The following RAP1B variants were observed in gnomAD, a reference collection of about 807,000 sequenced individuals.
The protein encoded by RAP1B is ras-related protein Rap-1b.
In RAP1B, 1 loss-of-function variant was observed where a neutral mutation model predicts 27.5. That is an observed-to-expected ratio of 0.04 (90% CI 0.01 to 0.17). RAP1B has a LOEUF of 0.17. Ranked by LOEUF, RAP1B falls within the 10% of genes least tolerant of loss-of-function variation. The pLI, the probability that RAP1B is intolerant of heterozygous loss-of-function variation, is 1.00. For synonymous variants in RAP1B, 75 were observed against 73.1 expected (o/e 1.03, Z -0.13); for missense variants, 84 against 214.8 (o/e 0.39, Z 3.81).
chr12:68,644,058 T>C (rs1208243872), intron 1 of RAP1B, among the ~76,000 whole-genome samples: 4 of 152,178 alleles, frequency 2.6e-5, no homozygotes, highest in Non-Finnish European at 1.5e-5. Flanking sequence ...TCTGCATAAC[T>C]TGAGGTACAA....
chr12:68,650,488 G>T lies in RAP1B; in HGVS notation c.126+20G>T. On this transcript the variant is annotated intron_variant, in intron 3 of 7. Coordinates refer to ENST00000250559, the MANE Select transcript of RAP1B (RefSeq NM_001010942.3). Reference sequence around the variant, plus strand: ...AGAAAGGTATATATTACTTTGGAAGGCCTTTTGCTTTTGATTTTAATATAA... The same window carrying T: ...AGAAAGGTATATATTACTTTGGAAGTCCTTTTGCTTTTGATTTTAATATAA... The T allele has an allele frequency of 1.4e-6, 2 of 1,459,462 alleles. No homozygotes were observed. The highest frequency in any genetic ancestry group is 1.8e-6 in the Non-Finnish European group (2 of 1,095,944). The allele number at this position is 1,459,462 out of a possible 1,614,324, so 90.4% of individuals were successfully genotyped here.
chr12:68,629,370 G>A (rs753125170), intron 1 of RAP1B, among the ~76,000 whole-genome samples: 18 of 152,152 alleles, frequency 1.2e-4, no homozygotes, highest in Non-Finnish European at 2.1e-4. Flanking sequence ...AGCTTTAAAA[G>A]CACCATACAG....
chr12:68,651,243 T>TAAACAATAAATAATAAAACA (rs1873794053), intron 3 of RAP1B, among the ~76,000 whole-genome samples: 1 of 152,220 alleles, frequency 6.6e-6, no homozygotes, highest in Admixed American at 6.5e-5. Flanking sequence ...ACTAACAGCA[T>TAAACAATAAATAATAAAACA]GTGACAATAA....
chr12:68,629,861 A>C (rs1470063174), intron 1 of RAP1B, among the ~76,000 whole-genome samples: 1 of 152,126 alleles, frequency 6.6e-6, no homozygotes, highest in African/African-American at 2.4e-5. Context: ...AGGTGTTTTG[A>C]TTTGTTTTGA....
chr12:68,663,781 C>T lies in RAP1B; in HGVS notation c.*4532C>T, dbSNP rs1874729945. Reference sequence around the variant, plus strand: ...CAATAAATGCATTCAGTATTCTCTACCGTGTTTCAGGCGCTGTTTACAATA... The same window carrying T: ...CAATAAATGCATTCAGTATTCTCTATCGTGTTTCAGGCGCTGTTTACAATA... On this transcript the variant is annotated 3_prime_UTR_variant, in exon 8 of 8. Coordinates refer to ENST00000250559, the MANE Select transcript of RAP1B (RefSeq NM_001010942.3). 1 of 152,150 alleles carries T rather than the reference C, an allele frequency of 6.6e-6. No individual in the cohort carries two copies. The highest frequency in any genetic ancestry group is 6.5e-5 in the Admixed American group (1 of 15,268). The allele number at this position is 152,150 out of a possible 1,614,324, so 9.4% of individuals were successfully genotyped here. A position where few individuals can be genotyped will look rare whatever the true frequency, so the allele number is the denominator to read the frequency against.
At chr12:68,618,637 A>G (rs976592699) in intron 1 of RAP1B, among the ~76,000 whole-genome samples, 1 of 152,188 alleles carries the variant, frequency 6.6e-6, no homozygotes. Context: ...TACCTGTAGT[A>G]TAAAAACAGT....
At chr12:68,659,250 GT>G in intron 7 of RAP1B, 29 bp from the exon 8 acceptor site, 1 of 456,394 alleles carries the variant, frequency 2.2e-6, no homozygotes. Context: ...TCTAGCCCAT[GT>G]TTTTAATTAA....
chr12:68,621,271 G>C (rs1318122029), intron 1 of RAP1B, among the ~76,000 whole-genome samples: 1 of 152,168 alleles, frequency 6.6e-6, no homozygotes, highest in African/African-American at 2.4e-5. Flanking sequence ...CTGGTCTGCT[G>C]TTCTAGCAAT....
At chr12:68,650,510 A>T (rs1196812517) in intron 3 of RAP1B, 42 bp downstream of exon 3, 1 of 1,344,886 alleles carries the variant, frequency 7.4e-7, no homozygotes, top group South Asian at 1.5e-5. Context: ...TGATTTTAAT[A>T]TAAATACTTA....
At chr12:68,619,010 G>A (rs2135914980) in intron 1 of RAP1B, among the ~76,000 whole-genome samples, 1 of 152,248 alleles carries the variant, frequency 6.6e-6, no homozygotes, top group East Asian at 1.9e-4. Context: ...TGAGGTGGAA[G>A]GATCTCTTGA....
chr12:68,632,088 A>G (rs947313105), intron 1 of RAP1B, among the ~76,000 whole-genome samples: 1 of 149,526 alleles, frequency 6.7e-6, no homozygotes, highest in African/African-American at 2.5e-5. Context: ...ATAAACACAT[A>G]AAATGAACAT....
chr12:68,620,907 T>G (rs1436352273), intron 1 of RAP1B, among the ~76,000 whole-genome samples: 43 of 152,278 alleles, frequency 2.8e-4, no homozygotes, highest in Non-Finnish European at 1.5e-5. Flanking sequence ...TTTTAAAGGA[T>G]TTTTAGACTG....
chr12:68,636,519 G>C (rs887490917), intron 1 of RAP1B, among the ~76,000 whole-genome samples: 3 of 152,162 alleles, frequency 2.0e-5, no homozygotes, highest in Non-Finnish European at 4.4e-5. Flanking sequence ...CCTCCAATTC[G>C]TGGGCTTAAG....
intron 1 of RAP1B, among the ~76,000 whole-genome samples, chr12:68,612,905 A>G (rs146312500): frequency 6.6e-6 from 1 of 152,290 alleles, no homozygotes; most frequent in East Asian, 1.9e-4. Context: ...TGACGTTGAC[A>G]ATAAATCGTG....
intron 1 of RAP1B, among the ~76,000 whole-genome samples, chr12:68,646,625 A>G (rs1486781212): frequency 2.0e-5 from 3 of 152,128 alleles, no homozygotes; most frequent in Non-Finnish European, 4.4e-5. Flanking sequence ...CATCACCCCC[A>G]AAAGGTTTCC....
intron 1 of RAP1B, among the ~76,000 whole-genome samples, chr12:68,626,081 G>A (rs191130199): frequency 1.2e-4 from 19 of 152,004 alleles, no homozygotes; most frequent in East Asian, 3.9e-4. Context: ...TTCTATATTC[G>A]GCCTTGTGTT....
chr12:68,635,174 A>G (rs1329266183), intron 1 of RAP1B, among the ~76,000 whole-genome samples: 1 of 152,142 alleles, frequency 6.6e-6, no homozygotes, highest in South Asian at 2.1e-4. Context: ...CCTTGTTAGA[A>G]GTTTTATTTT....
At chr12:68,642,559 C>G (rs1486505513) in intron 1 of RAP1B, 3 of 1,068,252 alleles carry the variant, frequency 2.8e-6, no homozygotes, top group Non-Finnish European at 4.4e-6. Context: ...GATACTTTTT[C>G]TCGTCTAATT....
At position 68,662,197 on chromosome 12, in the gene RAP1B, G is replaced by T. The variant is rs1377314530; in HGVS notation, c.*2948G>T. The T allele has an allele frequency of 6.6e-6, 1 of 151,400 alleles. No homozygotes were observed. The highest frequency in any genetic ancestry group is 2.4e-5 in the African/African-American group (1 of 41,230). 9.4% of individuals were successfully genotyped at this position (151,400 alleles called of 1,614,324 possible). The stretch of plus-strand genomic sequence containing the variant: ...CTATACAAAATAGTAACTGCAGTTT[G>T]GGAGCACAACTCATGTAGATTGACT... On this transcript the variant is annotated 3_prime_UTR_variant, in exon 8 of 8. Coordinates refer to ENST00000250559, the MANE Select transcript of RAP1B (RefSeq NM_001010942.3).
Sources: allele counts gnomAD v4.1 joint callset (sites outside exome capture counted in the v4.1 genomes callset), GRCh38; gene constraint gnomAD v4.1.1; transcripts MANE v1.5; gene names NCBI Gene and HGNC (gene_info 2026-07-23, HGNC 2026-07-21).